HECA: variants seen among roughly 807,000 people sequenced by gnomAD.
The protein encoded by HECA is headcase protein homolog.
A neutral mutation model predicts 37.6 loss-of-function variants in HECA; 13 were observed. The ratio of observed to expected loss-of-function variants is 0.35; its 90% confidence interval spans 0.23 to 0.55. HECA has a LOEUF of 0.55. HECA is among the 20% of genes least tolerant of loss of function. The pLI is 0.90. For missense variants in HECA, 527 were observed against 701.9 expected (o/e 0.75, Z 2.82); for synonymous variants, 307 against 291.5 (o/e 1.05, Z -0.54).
intron 1 of HECA, among the ~76,000 whole-genome samples, chr6:139,145,808 A>T (rs955525267): frequency 2.6e-5 from 4 of 152,186 alleles, no homozygotes; most frequent in Non-Finnish European, 5.9e-5. Context: ...GAATAGATGA[A>T]AGATGCGATA....
chr6:139,136,091 C>T (rs183135530), intron 1 of HECA, among the ~76,000 whole-genome samples: 4 of 152,104 alleles, frequency 2.6e-5, no homozygotes, highest in African/African-American at 9.6e-5. Context: ...CCACCCGTAA[C>T]CCCCGGAATG....
rs1173182342 is a variant in HECA, at chr6:139,179,492, A to G, written c.*2387A>G. 1 of 152,174 alleles carries G rather than the reference A, an allele frequency of 6.6e-6. No homozygotes were observed. Among genetic ancestry groups the G allele is most frequent in the Admixed American group, 6.5e-5 (1 of 15,270 alleles). The allele number at this position is 152,174 out of a possible 1,614,324, so 9.4% of individuals were successfully genotyped here. On this transcript the variant is annotated 3_prime_UTR_variant, in exon 4 of 4. Coordinates refer to ENST00000367658, the MANE Select transcript of HECA (RefSeq NM_016217.3). ...ATGAGGTTTTACTGTAATTGGGTAAAGTTTACTCTTGGACATTATTTCGAT... is the reference window on the plus strand; with the variant it reads ...ATGAGGTTTTACTGTAATTGGGTAAGGTTTACTCTTGGACATTATTTCGAT...
At chr6:139,155,298 A>G (rs1456989517) in intron 1 of HECA, among the ~76,000 whole-genome samples, 1 of 152,254 alleles carries the variant, frequency 6.6e-6, no homozygotes, top group Non-Finnish European at 1.5e-5. Context: ...CATGTAGGCC[A>G]CTTACACATG....
Position 139,135,465 on chromosome 6 carries a change from G to C in HECA, c.69G>C (p.Gln23His). 1 of 1,326,570 alleles carries C rather than the reference G, an allele frequency of 7.5e-7. No homozygotes were observed. The highest frequency in any genetic ancestry group is 4.2e-5 in the East Asian group (1 of 23,870). The allele number at this position is 1,326,570 out of a possible 1,614,324, so 82.2% of individuals were successfully genotyped here. The change falls in exon 1 of 4, where the codon CAG becomes CAC. Residue 23 changes from glutamine to histidine, a missense_variant. Gln to His is a conservative substitution (Grantham distance 24). Transcript: ENST00000367658. ...GCGCCAACAGCAGCGGCGACGAGCA[G>C]GAAAATGGAGCCGGGGCCCTGGCAG... is the stretch of plus-strand genomic sequence containing the variant. ...NKRANSSGDE[Q>H]ENGAGALAAA...
Position 139,177,975 on chromosome 6 carries a change from C to T in HECA, c.*870C>T, listed in dbSNP as rs753805713. On this transcript the variant is annotated 3_prime_UTR_variant, in exon 4 of 4. Transcript: ENST00000367658. The surrounding 1 kb of genome is among the most constrained non-coding windows in gnomAD (Gnocchi z 4.9). ...TAAATCTTTCAGCCACAGAATCTAA[C>T]TGGTGAGCTTCAGAACCAATAATTG... 1.2e-4 allele frequency: 18 copies of T among 152,308 alleles called. No individual in the cohort carries two copies. The highest frequency in any genetic ancestry group is 2.5e-4 in the Non-Finnish European group (17 of 68,026). The allele number at this position is 152,308 out of a possible 1,614,324, so 9.4% of individuals were successfully genotyped here. A position where few individuals can be genotyped will look rare whatever the true frequency, so the allele number is the denominator to read the frequency against.
intron 1 of HECA, chr6:139,159,395 T>C (rs545854888): frequency 6.6e-6 from 1 of 152,292 alleles, no homozygotes; most frequent in Non-Finnish European, 1.5e-5. Context: ...TAATAACCAG[T>C]TCACTTTTAC....
intron 2 of HECA, among the ~76,000 whole-genome samples, chr6:139,169,266 A>T (rs1056802283): frequency 2.6e-5 from 4 of 151,774 alleles, no homozygotes; most frequent in Admixed American, 2.6e-4. Flanking sequence ...CCTTTATTTT[A>T]TATATAATAA....
At chr6:139,168,172 T>C (rs1416992804) in intron 2 of HECA, among the ~76,000 whole-genome samples, 1 of 152,242 alleles carries the variant, frequency 6.6e-6, no homozygotes, top group Non-Finnish European at 1.5e-5. Flanking sequence ...AATACTGCTG[T>C]CTTCATTCTC....
intron 2 of HECA, among the ~76,000 whole-genome samples, chr6:139,168,061 A>G (rs1774918198): frequency 6.6e-6 from 1 of 152,214 alleles, no homozygotes; most frequent in African/African-American, 2.4e-5. Context: ...AAAATGATAT[A>G]TCCCCACCTG....
Position 139,166,609 on chromosome 6 carries a change from C to A in HECA, c.597C>A (p.Asp199Glu), listed in dbSNP as rs769303187. ...TDWYQVKRMQDEKKKKSGSEK... is the reference protein window; with the variant it reads ...TDWYQVKRMQEEKKKKSGSEK... ...GGTATCAGGTGAAGCGGATGCAGGA[C>A]GAGAAAAAGAAGAAGTCTGGCTCCG... The change falls in exon 2 of 4, where the codon GAC becomes GAA. Residue 199 changes from aspartate (D) to glutamate (E), a missense_variant. Around this residue, in one of 4 missense-constraint regions of HECA, gnomAD observed 228 missense variants for 259.8 expected, o/e 0.88. Transcript: ENST00000367658. The A allele has an allele frequency of 1.2e-6, 2 of 1,614,028 alleles. No individual in the cohort carries two copies. The highest frequency in any genetic ancestry group is 4.5e-5 in the East Asian group (2 of 44,896).
At chr6:139,147,320 A>G (rs753381644) in intron 1 of HECA, among the ~76,000 whole-genome samples, 9 of 152,246 alleles carry the variant, frequency 5.9e-5, no homozygotes, top group Non-Finnish European at 1.3e-4. Context: ...AAGGACATTT[A>G]CATTACTTTT....
At chr6:139,152,417 G>GGTGTGTGT (rs1562244500) in intron 1 of HECA, among the ~76,000 whole-genome samples, 3 of 38,168 alleles carry the variant, frequency 7.9e-5, no homozygotes, top group African/African-American at 2.8e-4. Context: ...TGAAGCATTG[G>GGTGTGTGT]ATGTGTGTGT....
chr6:139,141,533 C>A (rs896075919), intron 1 of HECA, among the ~76,000 whole-genome samples: 1 of 152,160 alleles, frequency 6.6e-6, no homozygotes, highest in African/African-American at 2.4e-5. Flanking sequence ...GCTGCCACAA[C>A]AAAATACCTC....
intron 2 of HECA, among the ~76,000 whole-genome samples, chr6:139,173,672 T>C (rs1161236784): frequency 1.3e-5 from 2 of 152,190 alleles, no homozygotes; most frequent in African/African-American, 4.8e-5. Flanking sequence ...TTCCTAATTA[T>C]TTAAACTGTG....
intron 1 of HECA, among the ~76,000 whole-genome samples, chr6:139,141,753 C>CTTCT (rs772152302): frequency 0.033 from 2,602 of 78,150 alleles, 148 homozygotes; most frequent in African/African-American, 0.13. Context: ...TAAACACCTT[C>CTTCT]TTTTTTTTTT....
intron 1 of HECA, among the ~76,000 whole-genome samples, chr6:139,161,846 C>G (rs539979486): frequency 2.4e-4 from 36 of 152,202 alleles, no homozygotes; most frequent in Non-Finnish European, 4.9e-4. Context: ...ATAAAAACAA[C>G]TACACTTAAT....
chr6:139,172,193 G>T (rs1449102905), intron 2 of HECA, among the ~76,000 whole-genome samples: 4 of 152,092 alleles, frequency 2.6e-5, no homozygotes, highest in Non-Finnish European at 4.4e-5. Context: ...TGAACTCCTG[G>T]CCTCAAATGA....
intron 1 of HECA, among the ~76,000 whole-genome samples, chr6:139,164,208 C>T (rs1053328485): frequency 2.0e-5 from 3 of 152,158 alleles, no homozygotes; most frequent in Non-Finnish European, 4.4e-5. Context: ...ACGCTGCCAC[C>T]AGGGGAGCTT....
At chr6:139,136,721 G>A (rs1009811563) in intron 1 of HECA, among the ~76,000 whole-genome samples, 2 of 151,378 alleles carry the variant, frequency 1.3e-5, no homozygotes, top group African/African-American at 2.4e-5. Flanking sequence ...TGCAACCACC[G>A]TCTTCCGGTC....
Sources: gnomAD v4.1 joint callset for allele counts (sites outside exome capture counted in the v4.1 genomes callset) on GRCh38, gnomAD v4.1.1 for gene constraint, gnomAD v4.1.1 regional missense constraint, Gnocchi (gnomAD v3.1) non-coding constraint, MANE v1.5 for transcripts, NCBI Gene and HGNC (gene_info 2026-07-23, HGNC 2026-07-21) for gene names.